Variants in OR52N4 observed in about 807,000 individuals in gnomAD.
The protein encoded by OR52N4 is olfactory receptor family 52 subfamily N member 4.
OR52N4 carries 15 observed loss-of-function variants against 15.0 expected under a neutral mutation model. The ratio of observed to expected loss-of-function variants is 1.00; its 90% CI spans 0.67 to 1.54. The LOEUF is 1.54. Among genes scored for constraint, OR52N4 ranks in the 40% most tolerant of loss-of-function variants. OR52N4 has a pLI of 0.00. For synonymous variants in OR52N4, 143 were observed against 143.7 expected, an observed-to-expected ratio of 1.00 and a Z score of 0.03; for missense variants, 421 against 394.0, an observed-to-expected ratio of 1.07 and a Z score of -0.58.
At chr11:5,734,562 T>A in the OR52N4 span, among the ~76,000 whole-genome samples, 3 of 152,070 alleles carry the variant, frequency 2.0e-5, no homozygotes, top group Non-Finnish European at 4.4e-5. Flanking sequence ...GTAAAAAAAA[T>A]TAAAAACAAT....
the OR52N4 span, chr11:5,737,639 A>C: frequency 2.9e-6 from 2 of 695,534 alleles, no homozygotes; most frequent in Non-Finnish European, 4.4e-6. Flanking sequence ...AAAAGATACA[A>C]AAAATCACAG....
the OR52N4 span, among the ~76,000 whole-genome samples, chr11:5,733,315 C>CTTG: frequency 1.3e-5 from 2 of 152,128 alleles, no homozygotes; most frequent in African/African-American, 4.8e-5. Flanking sequence ...TTGAGGTTAC[C>CTTG]TTGTTGTTAC....
the OR52N4 span, among the ~76,000 whole-genome samples, chr11:5,730,380 A>G: frequency 0.022 from 3,314 of 151,510 alleles, 84 homozygotes; most frequent in Non-Finnish European, 0.026. Flanking sequence ...TTTTGTAGAG[A>G]TGGGGTTTCA....
At position 5,755,516 on chromosome 11, in the gene OR52N4, T is replaced by C. The variant is rs565994317; in HGVS notation, c.776T>C (p.Phe259Ser). 4 of 1,613,874 alleles carry C rather than the reference T, an allele frequency of 2.5e-6. No individual in the cohort carries two copies. In the East Asian group the frequency reaches 6.7e-5, roughly 27 times the overall value. ...AIVFSYTPAF[F>S]SFFSHRFGEH... is the part of the protein sequence containing the mutation. ...GTTTTCTCCTATACTCCAGCTTTCT[T>C]CTCCTTCTTTTCCCACCGCTTTGGG... Residue 259 changes from phenylalanine to serine, a missense_variant, in exon 2 of 2, where the codon TTC becomes TCC. By Grantham distance (155) the Phe-to-Ser change is radical (BLOSUM62 -2). Transcript: ENST00000641350.
chr11:5,738,767 T>TC, the OR52N4 span, among the ~76,000 whole-genome samples: 2 of 4,958 alleles, frequency 4.0e-4, no homozygotes, highest in Non-Finnish European at 1.5e-3. Flanking sequence ...CTTTTCTTTC[T>TC]TTTTTTTTTA....
the OR52N4 span, among the ~76,000 whole-genome samples, chr11:5,731,163 A>C: frequency 6.6e-6 from 1 of 152,216 alleles, no homozygotes; most frequent in Non-Finnish European, 1.5e-5. Context: ...CTAAGTGAGC[A>C]CTGGACTAAT....
chr11:5,743,206 A>C, the OR52N4 span, among the ~76,000 whole-genome samples: 10 of 152,160 alleles, frequency 6.6e-5, no homozygotes, highest in Non-Finnish European at 1.2e-4. Context: ...ACATATATGC[A>C]TCCAACATCA....
At chr11:5,748,092 C>T in the OR52N4 span, among the ~76,000 whole-genome samples, 1 of 151,924 alleles carries the variant, frequency 6.6e-6, no homozygotes, top group Non-Finnish European at 1.5e-5. Context: ...ACACATCTAA[C>T]ATGAACTTTT....
chr11:5,747,303 T>TA, the OR52N4 span, among the ~76,000 whole-genome samples: 1 of 151,544 alleles, frequency 6.6e-6, no homozygotes, highest in African/African-American at 2.4e-5. Context: ...ACCTCCTATC[T>TA]AAAAAAATAA....
chr11:5,746,687 A>C, the OR52N4 span, among the ~76,000 whole-genome samples: 1 of 152,158 alleles, frequency 6.6e-6, no homozygotes, highest in African/African-American at 2.4e-5. Flanking sequence ...AAACTTATAT[A>C]CTGTGAGCGG....
At chr11:5,747,349 G>C in the OR52N4 span, among the ~76,000 whole-genome samples, 1 of 151,958 alleles carries the variant, frequency 6.6e-6, no homozygotes, top group East Asian at 1.9e-4. Flanking sequence ...AGTTATATAG[G>C]AGGAATAAGT....
the OR52N4 span, chr11:5,734,346 C>A: frequency 2.6e-6 from 1 of 379,440 alleles, no homozygotes; most frequent in Non-Finnish European, 5.2e-6. Flanking sequence ...ATTGACATTT[C>A]TCTCTGTTTT....
In OR52N4 at chr11:5,755,819, T is replaced by G. The variant is rs1854306333; in HGVS notation, c.*113T>G. 8.0e-7 allele frequency: 1 copy of G among 1,244,900 alleles called. No individual in the cohort carries two copies. The highest frequency in any genetic ancestry group is 2.4e-5 in the East Asian group (1 of 41,174). The allele number at this position is 1,244,900 out of a possible 1,614,324, so 77.1% of individuals were successfully genotyped here. A position where few individuals can be genotyped will look rare whatever the true frequency, so the allele number is the denominator to read the frequency against. On this transcript the variant is annotated 3_prime_UTR_variant, in exon 2 of 2. Transcript: ENST00000641350. Reference sequence around the variant, plus strand: ...ACTGTATTGATCACAAAATGGAGTTTGTTAACTGGTGCATTCTCAATAAGT... The same window carrying G: ...ACTGTATTGATCACAAAATGGAGTTGGTTAACTGGTGCATTCTCAATAAGT...
At chr11:5,735,307 C>T in the OR52N4 span, among the ~76,000 whole-genome samples, 1 of 151,896 alleles carries the variant, frequency 6.6e-6, no homozygotes, top group Non-Finnish European at 1.5e-5. Flanking sequence ...ATTATATTCA[C>T]TTCGGTTTGA....
In OR52N4 at chr11:5,755,414, G is replaced by A. The variant is rs200429238; in HGVS notation, c.674G>A (p.Arg225Gln). Residue 225 changes from arginine (R) to glutamine (Q), a missense_variant, in exon 2 of 2, where the codon CGG (arginine) becomes CAG (glutamine). Arg to Gln is a conservative substitution (Grantham distance 43, BLOSUM62 1). Coordinates refer to ENST00000641350, the MANE Select transcript of OR52N4 (RefSeq NM_001005175.5). ...ACCAACTCCTATACCATGATTCTCC[G>A]GGCAGTGGTCAGCCTCTCCTCAGCA... ...CITNSYTMIL[R>Q]AVVSLSSADA... 1.3e-4 allele frequency: 205 copies of A among 1,613,808 alleles called. No individual in the cohort carries two copies. The highest frequency in any genetic ancestry group is 3.2e-4 in the South Asian group (29 of 91,076).
chr11:5,736,934 C>T, the OR52N4 span: 507 of 1,613,984 alleles, frequency 3.1e-4, 1 homozygote, highest in African/African-American at 6.0e-3. Flanking sequence ...TCACCCTCTT[C>T]GCTATCCATC....
chr11:5,736,553 A>G, the OR52N4 span: 3 of 1,613,858 alleles, frequency 1.9e-6, no homozygotes, highest in Non-Finnish European at 2.5e-6. Flanking sequence ...AATCTCCAAT[A>G]GCTCCAAATT....
chr11:5,747,554 G>C, the OR52N4 span, among the ~76,000 whole-genome samples: 1 of 151,534 alleles, frequency 6.6e-6, no homozygotes. Flanking sequence ...TCAAAACATC[G>C]TGTTGTACAT....
the OR52N4 span, among the ~76,000 whole-genome samples, chr11:5,732,510 C>G: frequency 6.6e-6 from 1 of 152,122 alleles, no homozygotes; most frequent in African/African-American, 2.4e-5. Context: ...TCTGTCAGTA[C>G]AGTAAAATTA....
Sources: gnomAD v4.1 joint callset for allele counts (sites outside exome capture counted in the v4.1 genomes callset) on GRCh38, gnomAD v4.1.1 for gene constraint, MANE v1.5 for transcripts, NCBI Gene and HGNC (gene_info 2026-07-23, HGNC 2026-07-21) for gene names.